Variants in SPMIP6 observed in about 807,000 individuals in gnomAD.
The protein encoded by SPMIP6 is ciliated bronchial epithelial protein 1.
the SPMIP6 span, among the ~76,000 whole-genome samples, chr9:34,384,695 G>A: frequency 6.6e-6 from 1 of 152,290 alleles, no homozygotes; most frequent in African/African-American, 2.4e-5. Flanking sequence ...TGTGCTCGAT[G>A]GAGGGGCACA....
chr9:34,380,595 T>C, the SPMIP6 span: 1 of 1,439,162 alleles, frequency 6.9e-7, no homozygotes, highest in Non-Finnish European at 9.2e-7. Context: ...GGTTTCTTCC[T>C]CAAAAACCCT....
chr9:34,381,501 A>G, the SPMIP6 span: 4 of 1,611,786 alleles, frequency 2.5e-6, no homozygotes, highest in Middle Eastern at 3.3e-4. This position sits in a 1 kb window ranked among gnomAD's most constrained non-coding sequence, Gnocchi z 4.4. Flanking sequence ...GCTCCCTTTT[A>G]GGGGTCCTCC....
the SPMIP6 span, chr9:34,385,726 G>T: frequency 1.1e-5 from 17 of 1,613,572 alleles, no homozygotes; most frequent in South Asian, 1.6e-4. Context: ...AGCACATTTG[G>T]CCATCTTCTG....
At chr9:34,394,056 A>G in the SPMIP6 span, among the ~76,000 whole-genome samples, 11 of 152,222 alleles carry the variant, frequency 7.2e-5, no homozygotes. Context: ...TCTTGGCCTC[A>G]AGTGATCTTC....
chr9:34,382,812 T>A, the SPMIP6 span: 24 of 1,614,060 alleles, frequency 1.5e-5, no homozygotes, highest in Non-Finnish European at 2.0e-5. Flanking sequence ...GTTGTAAGGT[T>A]CCATCCTCCA....
the SPMIP6 span, among the ~76,000 whole-genome samples, chr9:34,392,133 T>C: frequency 5.9e-5 from 9 of 152,092 alleles, 1 homozygote; most frequent in Admixed American, 5.9e-4. This position sits in a 1 kb window ranked among gnomAD's most constrained non-coding sequence, Gnocchi z 4.6. Flanking sequence ...AGCACAGTGG[T>C]GTGATCGTGG....
At chr9:34,381,798 C>A in the SPMIP6 span, 1 of 982,238 alleles carries the variant, frequency 1.0e-6, no homozygotes, top group Non-Finnish European at 1.2e-6. The surrounding 1 kb of genome is among the most constrained non-coding windows in gnomAD (Gnocchi z 4.4). Flanking sequence ...GCTTGTCATT[C>A]CGGAGAACTT....
chr9:34,379,558 A>G, the SPMIP6 span: 2 of 1,191,364 alleles, frequency 1.7e-6, no homozygotes, highest in Non-Finnish European at 2.5e-6. This position sits in a 1 kb window ranked among gnomAD's most constrained non-coding sequence, Gnocchi z 4.2. Context: ...GAGCGTTCTC[A>G]TCCCGTCTAC....
the SPMIP6 span, among the ~76,000 whole-genome samples, chr9:34,388,932 C>CTTTTT: frequency 1.0e-4 from 11 of 109,820 alleles, 1 homozygote; most frequent in East Asian, 2.7e-4. Context: ...CTCTCTCTTT[C>CTTTTT]TTTTTTTTTT....
At chr9:34,397,652 C>A in the SPMIP6 span, 1 of 1,569,784 alleles carries the variant, frequency 6.4e-7, no homozygotes. Flanking sequence ...CTTGGAGATG[C>A]CGTGGTGGGC....
the SPMIP6 span, chr9:34,381,623 C>T: frequency 4.2e-6 from 6 of 1,433,438 alleles, no homozygotes; most frequent in Non-Finnish European, 5.5e-6. This position sits in a 1 kb window ranked among gnomAD's most constrained non-coding sequence, Gnocchi z 4.4. Flanking sequence ...TTTACATCGC[C>T]AACAGGGGCG....
the SPMIP6 span, chr9:34,381,202 G>C: frequency 6.4e-7 from 1 of 1,556,388 alleles, no homozygotes; most frequent in Non-Finnish European, 8.7e-7. The surrounding 1 kb of genome is among the most constrained non-coding windows in gnomAD (Gnocchi z 4.4). Flanking sequence ...GCCGAGTCAC[G>C]GACAGAGTGA....
the SPMIP6 span, among the ~76,000 whole-genome samples, chr9:34,394,888 T>TAA: frequency 6.6e-6 from 1 of 152,130 alleles, no homozygotes; most frequent in South Asian, 2.1e-4. Flanking sequence ...ATTCAGAACT[T>TAA]AAGTTGTTTT....
At chr9:34,390,589 T>A in the SPMIP6 span, among the ~76,000 whole-genome samples, 1 of 152,234 alleles carries the variant, frequency 6.6e-6, no homozygotes, top group South Asian at 2.1e-4. Context: ...TCACAAATTA[T>A]TTTTTATACA....
chr9:34,379,870 T>A, the SPMIP6 span: 1 of 643,824 alleles, frequency 1.6e-6, no homozygotes, highest in South Asian at 1.9e-5. The surrounding 1 kb of genome is among the most constrained non-coding windows in gnomAD (Gnocchi z 4.2). Flanking sequence ...TTCCTCACCC[T>A]TCAAAACCCC....
At chr9:34,381,081 G>C in the SPMIP6 span, 2 of 1,610,860 alleles carry the variant, frequency 1.2e-6, no homozygotes, top group Non-Finnish European at 1.7e-6. The surrounding 1 kb of genome is among the most constrained non-coding windows in gnomAD (Gnocchi z 4.4). Context: ...ATCCGCGGCA[G>C]CTGCTGGTTC....
chr9:34,381,611 C>A, the SPMIP6 span: 4 of 1,440,668 alleles, frequency 2.8e-6, no homozygotes, highest in Non-Finnish European at 3.7e-6. This position sits in a 1 kb window ranked among gnomAD's most constrained non-coding sequence, Gnocchi z 4.4. Context: ...CCGGGCAACG[C>A]TTTTACATCG....
At chr9:34,397,440 C>T in the SPMIP6 span, 2 of 1,552,860 alleles carry the variant, frequency 1.3e-6, no homozygotes, top group Non-Finnish European at 1.8e-6. Context: ...CATACATTGC[C>T]AGGCATCCAG....
chr9:34,395,189 G>A, the SPMIP6 span, among the ~76,000 whole-genome samples: 25 of 152,098 alleles, frequency 1.6e-4, no homozygotes, highest in African/African-American at 2.2e-4. Flanking sequence ...TCTTGAACTC[G>A]TAGGCTCAAG....
Sources: gnomAD v4.1 joint callset for allele counts (sites outside exome capture counted in the v4.1 genomes callset) on GRCh38, gnomAD v4.1.1 for gene constraint, Gnocchi (gnomAD v3.1) non-coding constraint, MANE v1.5 for transcripts, NCBI Gene and HGNC (gene_info 2026-07-23, HGNC 2026-07-21) for gene names.